RECK: variants seen among roughly 807,000 people sequenced by gnomAD.
The protein encoded by RECK is reversion-inducing cysteine-rich protein with Kazal motifs.
A neutral mutation model predicts 115.1 loss-of-function variants in RECK; 69 were observed. That is an observed-to-expected ratio of 0.60 (90% CI 0.49 to 0.73). RECK has a LOEUF of 0.73. Among genes scored for constraint, RECK ranks in the 30% least tolerant of loss-of-function variants. The probability of loss-of-function intolerance (pLI) is 0.00; values close to 1 mark genes in which losing one functional copy is unlikely to be tolerated. For missense variants in RECK, 1,047 were observed against 1,203.7 expected (o/e 0.87, Z 1.93); for synonymous variants, 414 against 419.7 (o/e 0.99, Z 0.17).
chr9:36,087,637 C>T (rs901381710), intron 8 of RECK, 57 bp from the exon 9 acceptor site: 3 of 1,550,264 alleles, frequency 1.9e-6, no homozygotes, highest in Non-Finnish European at 2.6e-6. Flanking sequence ...ACTTAAAGTA[C>T]AATAAAAACA....
At chr9:36,059,826 C>T (rs1162557545) in intron 3 of RECK, among the ~76,000 whole-genome samples, 1 of 152,194 alleles carries the variant, frequency 6.6e-6, no homozygotes, top group African/African-American at 2.4e-5. Flanking sequence ...CTGACTGACA[C>T]ATTCCCTTTA....
At chr9:36,099,986 A>G (rs1823500980) in intron 10 of RECK, among the ~76,000 whole-genome samples, 2 of 152,170 alleles carry the variant, frequency 1.3e-5, no homozygotes, top group South Asian at 4.1e-4. Flanking sequence ...AAATTGGTGC[A>G]TTTTGCTTTT....
chr9:36,120,166 C>T (rs1173548957), intron 18 of RECK, among the ~76,000 whole-genome samples: 1 of 151,498 alleles, frequency 6.6e-6, no homozygotes, highest in African/African-American at 2.4e-5. Flanking sequence ...ACCCGGGAGG[C>T]GGAGCTTGCA....
rs1391458248 is a variant in RECK at position 36,123,313 on chromosome 9, C to G, written c.*268C>G. ...CTGCCATATGATTTACATTTCCTCA[C>G]CATAAGGGTCCCCCACTCTAAAGCA... On this transcript the variant is annotated 3_prime_UTR_variant, in exon 21 of 21. Transcript: ENST00000377966. 1 of 362,348 alleles carries G rather than the reference C, an allele frequency of 2.8e-6. No individual in the cohort carries two copies. The highest frequency in any genetic ancestry group is 4.8e-5 in the East Asian group (1 of 21,050). The allele number at this position is 362,348 out of a possible 1,614,324, so 22.4% of individuals were successfully genotyped here. A position where few individuals can be genotyped will look rare whatever the true frequency, so the allele number is the denominator to read the frequency against.
chr9:36,104,290 GTGTATATATATATATATA>G (rs1311127155), intron 12 of RECK, among the ~76,000 whole-genome samples: 1 of 16,828 alleles, frequency 5.9e-5, no homozygotes, highest in African/African-American at 3.8e-4. Context: ...GTGTGTGTGT[GTGTATATATATATATATA>G]TATATATATA....
chr9:36,059,078 G>A (rs964771535), intron 3 of RECK, among the ~76,000 whole-genome samples, 177 bp downstream of exon 3: 2 of 152,012 alleles, frequency 1.3e-5, no homozygotes, highest in African/African-American at 4.8e-5. Flanking sequence ...ATAGAATATT[G>A]TTTTTCTTCT....
intron 15 of RECK, 75 bp from the exon 16 acceptor site, chr9:36,112,230 T>C: frequency 7.1e-7 from 1 of 1,415,002 alleles, no homozygotes; most frequent in East Asian, 2.3e-5. Context: ...TTGCTCATGG[T>C]TTGCCTTAAC....
At chr9:36,119,686 C>G (rs1003638521) in intron 18 of RECK, among the ~76,000 whole-genome samples, 3 of 152,138 alleles carry the variant, frequency 2.0e-5, no homozygotes, top group African/African-American at 7.2e-5. Flanking sequence ...GTGAGAAAAA[C>G]AAAGCCCTTT....
At chr9:36,102,253 G>A in intron 12 of RECK, 23 bp downstream of exon 12, 1 of 1,565,618 alleles carries the variant, frequency 6.4e-7, no homozygotes, top group Non-Finnish European at 8.7e-7. Flanking sequence ...TTGTATGTGT[G>A]TTTTTAGATT....
chr9:36,091,074 G>A (rs1409548266), intron 9 of RECK, 90 bp from the exon 10 acceptor site: 2 of 1,232,060 alleles, frequency 1.6e-6, no homozygotes, highest in Non-Finnish European at 2.3e-6. Context: ...ACGTTCCAAA[G>A]TATATAGTTC....
intron 15 of RECK, among the ~76,000 whole-genome samples, chr9:36,111,630 G>A (rs889563365): frequency 2.6e-5 from 4 of 152,108 alleles, no homozygotes; most frequent in African/African-American, 9.7e-5. Flanking sequence ...CCGACCTCAG[G>A]TGATCCGCCC....
chr9:36,048,490 T>C (rs1459830398), intron 1 of RECK, among the ~76,000 whole-genome samples: 2 of 152,108 alleles, frequency 1.3e-5, no homozygotes, highest in Non-Finnish European at 2.9e-5. Flanking sequence ...TTCTCTATTT[T>C]CCAAAGTGGC....
rs769310399 is a variant in RECK at position 36,065,644 on chromosome 9, A to G, written c.405+20A>G. ...TATGAGGTATGCATTTTATTTAACA[A>G]ATGTGGATAGCCTATTCAGATGTTA... is the stretch of plus-strand genomic sequence containing the variant. On this transcript the variant is annotated intron_variant, in intron 6 of 20. Coordinates refer to ENST00000377966, the MANE Select transcript of RECK (RefSeq NM_021111.3). The G allele has an allele frequency of 7.8e-6, 12 of 1,544,638 alleles. No individual in the cohort carries two copies. In the African/African-American group the frequency reaches 1.2e-4, roughly 16 times the overall value.
chr9:36,046,405 A>T (rs900881448), intron 1 of RECK, among the ~76,000 whole-genome samples: 5 of 152,258 alleles, frequency 3.3e-5, no homozygotes, highest in Non-Finnish European at 7.3e-5. Flanking sequence ...ATTTGTAGAC[A>T]TTTATTTCTT....
At chr9:36,107,886 C>A in intron 13 of RECK, 90 bp from the exon 14 acceptor site, 1 of 882,776 alleles carries the variant, frequency 1.1e-6, no homozygotes, top group Non-Finnish European at 1.7e-6. Context: ...GATTTAGTAC[C>A]TATAAGACTT....
At chr9:36,057,146 T>C in intron 2 of RECK, 1 of 214,222 alleles carries the variant, frequency 4.7e-6, no homozygotes, top group Non-Finnish European at 7.8e-6. Flanking sequence ...CTCATCAGCA[T>C]CAATTAAAAA....
intron 6 of RECK, among the ~76,000 whole-genome samples, chr9:36,074,294 C>T (rs1354649157): frequency 6.6e-6 from 1 of 152,174 alleles, no homozygotes; most frequent in Non-Finnish European, 1.5e-5. Context: ...ATATAATTAT[C>T]TTTGTCTCTG....
chr9:36,051,839 T>A (rs1420299791), intron 1 of RECK, among the ~76,000 whole-genome samples: 1 of 152,214 alleles, frequency 6.6e-6, no homozygotes, highest in Non-Finnish European at 1.5e-5. Flanking sequence ...CATCAGGATA[T>A]TCTATAGGAA....
chr9:36,080,580 T>C (rs1203288961), intron 6 of RECK, 25 bp from the exon 7 acceptor site: 2 of 1,575,776 alleles, frequency 1.3e-6, no homozygotes, highest in Non-Finnish European at 1.7e-6. Flanking sequence ...TAATTTCTGT[T>C]TATTTGTTTT....
Sources: allele counts gnomAD v4.1 joint callset (sites outside exome capture counted in the v4.1 genomes callset), GRCh38; gene constraint gnomAD v4.1.1; transcripts MANE v1.5; gene names NCBI Gene and HGNC (gene_info 2026-07-23, HGNC 2026-07-21).